PTK2B: variants seen among roughly 807,000 people sequenced by gnomAD.
PTK2B encodes the protein protein-tyrosine kinase 2-beta.
PTK2B carries 71 observed loss-of-function variants against 142.9 expected under a neutral mutation model. The observed-to-expected ratio is 0.50, with a 90% confidence interval of 0.41 to 0.61. The LOEUF is 0.61. Ranked by LOEUF, PTK2B falls within the 20% of genes least tolerant of loss-of-function variation. The pLI is 0.00. For missense variants in PTK2B, 1,105 were observed against 1,320.4 expected (o/e 0.84, Z 2.53); for synonymous variants, 519 against 503.4 (o/e 1.03, Z -0.42).
chr8:27,442,267 G>C (rs968682927), intron 21 of PTK2B, among the ~76,000 whole-genome samples: 2 of 152,152 alleles, frequency 1.3e-5, no homozygotes, highest in Non-Finnish European at 2.9e-5. Flanking sequence ...ATATTCAGTA[G>C]TATATAATAC....
chr8:27,440,118 G>T (rs910606979), intron 20 of PTK2B, 119 bp from the exon 21 acceptor site: 7 of 996,312 alleles, frequency 7.0e-6, no homozygotes, highest in Admixed American at 2.1e-5. Context: ...GGTGCTGGAG[G>T]AGGAGGAGGG....
rs118119520 is a variant in PTK2B, at chr8:27,379,380, C to A, written c.-37-18168C>A. On this transcript the variant is annotated intron_variant, in intron 1 of 30. Transcript: ENST00000346049. ...TAGCTGGGACTACAGGCACATGCCA[C>A]CATGCCGGGGTCTTTTTAAAAATTT... Among the ~76,000 whole-genome samples, 438 of 152,266 alleles carry A rather than the reference C, an allele frequency of 2.9e-3. 7 individuals carry two copies. The East Asian group carries it at 0.034, about 12-fold the overall frequency.
chr8:27,443,814 C>T (rs1045911314), intron 22 of PTK2B, among the ~76,000 whole-genome samples: 10 of 152,202 alleles, frequency 6.6e-5, no homozygotes, highest in African/African-American at 1.4e-4. Context: ...CACCCCTCCC[C>T]GCGGGCCTGG....
chr8:27,318,536 C>T (rs2130570266), intron 3 of PTK2B, among the ~76,000 whole-genome samples: 1 of 152,328 alleles, frequency 6.6e-6, no homozygotes, highest in East Asian at 1.9e-4. Context: ...CAGGCCAGCC[C>T]TGCAGCAACC....
chr8:27,329,166 G>A (rs183732943), intron 1 of PTK2B, among the ~76,000 whole-genome samples: 1 of 152,222 alleles, frequency 6.6e-6, no homozygotes, highest in African/African-American at 2.4e-5. Context: ...TCAATTTCTT[G>A]ACCTCATGAT....
At chr8:27,337,384 C>T (rs1406513627) in intron 1 of PTK2B, among the ~76,000 whole-genome samples, 1 of 152,174 alleles carries the variant, frequency 6.6e-6, no homozygotes, top group Non-Finnish European at 1.5e-5. Context: ...GATCCACCCG[C>T]GTTGGCCTCC....
intron 1 of PTK2B, among the ~76,000 whole-genome samples, chr8:27,375,729 CCCT>C (rs1806628896): frequency 6.6e-6 from 1 of 152,208 alleles, no homozygotes; most frequent in South Asian, 2.1e-4. Context: ...GTGGGCACCT[CCCT>C]CCTCCCCAGT....
chr8:27,437,681 G>A (rs896520188), intron 17 of PTK2B, 84 bp from the exon 18 acceptor site: 4 of 1,380,348 alleles, frequency 2.9e-6, no homozygotes, highest in Admixed American at 2.0e-5. Context: ...CCCAGGGAAG[G>A]GTCAGGGGTT....
In PTK2B at chr8:27,375,678, G is replaced by A. The variant is rs73568036; in HGVS notation, c.-37-21870G>A. On this transcript the variant is annotated intron_variant, in intron 1 of 30. Coordinates refer to ENST00000346049, the MANE Select transcript of PTK2B (RefSeq NM_173176.3). ...ACCAGACCCCACGTCTCCTGCCTCC[G>A]GGGGCCGTGTTCTTTCCCTGTCCCA... 3.7e-3 allele frequency among the ~76,000 whole-genome samples: 558 copies of A among 152,232 alleles called. 8 individuals carry two copies. The highest frequency in any genetic ancestry group is 0.012 in the African/African-American group (482 of 41,542).
chr8:27,450,233 G>A (rs1197910391), intron 24 of PTK2B, among the ~76,000 whole-genome samples: 1 of 152,158 alleles, frequency 6.6e-6, no homozygotes, highest in Non-Finnish European at 1.5e-5. Flanking sequence ...GCTAGAGGCA[G>A]CACCCCTGTC....
rs746852655 is a variant in PTK2B, at chr8:27,432,309, C to G, written c.935C>G (p.Pro312Arg). Residue 312 changes from proline to arginine, a missense_variant, in exon 10 of 31, where the codon CCG becomes CGG. By Grantham distance (103) the Pro-to-Arg change is moderately radical. Transcript: ENST00000346049. ...FKQIRSIRCL[P>R]LEEGQAVLQL... Reference sequence around the variant, plus strand: ...CAGATCAGGTCCATCAGGTGCCTCCCGCTGGAGGAGGGCCAGGCAGTACTT... The same window carrying G: ...CAGATCAGGTCCATCAGGTGCCTCCGGCTGGAGGAGGGCCAGGCAGTACTT... 6.2e-7 allele frequency: 1 copy of G among 1,614,066 alleles called. No individual in the cohort carries two copies. The highest frequency in any genetic ancestry group is 1.7e-5 in the Admixed American group (1 of 60,018).
chr8:27,393,848 C>G (rs1039745148), intron 1 of PTK2B, among the ~76,000 whole-genome samples: 1 of 151,998 alleles, frequency 6.6e-6, no homozygotes, highest in African/African-American at 2.4e-5. Context: ...ACATCATGAT[C>G]GCCAAAGATG....
At chr8:27,392,388 G>C (rs1807780679) in intron 1 of PTK2B, among the ~76,000 whole-genome samples, 1 of 150,230 alleles carries the variant, frequency 6.7e-6, no homozygotes, top group African/African-American at 2.4e-5. Context: ...ACAAGATTTT[G>C]GAAAAAAGGC....
At chr8:27,360,119 C>T (rs934034496) in intron 1 of PTK2B, among the ~76,000 whole-genome samples, 16 of 152,234 alleles carry the variant, frequency 1.1e-4, no homozygotes, top group African/African-American at 3.9e-4. Context: ...GCCCAGTCGA[C>T]ATTAGGTCTG....
intron 1 of PTK2B, among the ~76,000 whole-genome samples, chr8:27,368,155 G>A (rs1464049894): frequency 6.6e-6 from 1 of 152,212 alleles, no homozygotes. Context: ...GAGTGAGTGC[G>A]GGACGGACGG....
At chr8:27,314,068 A>T (rs192391746) in intron 3 of PTK2B, among the ~76,000 whole-genome samples, 12 of 152,342 alleles carry the variant, frequency 7.9e-5, no homozygotes, top group African/African-American at 2.9e-4. Context: ...CATACCTGGA[A>T]GGAAGAAATG....
chr8:27,410,238 G>A (rs1808976508), intron 2 of PTK2B, among the ~76,000 whole-genome samples: 1 of 152,230 alleles, frequency 6.6e-6, no homozygotes, highest in South Asian at 2.1e-4. Flanking sequence ...GAAGCGTGTT[G>A]ATGGGAGCTC....
At chr8:27,457,950 G>A (rs546372825) in intron 30 of PTK2B, among the ~76,000 whole-genome samples, 74 of 143,082 alleles carry the variant, frequency 5.2e-4, no homozygotes, top group African/African-American at 1.9e-3. Context: ...ACTCCATCCT[G>A]GGCAACAGGA....
chr8:27,439,687 T>A (rs1447209571), intron 20 of PTK2B, among the ~76,000 whole-genome samples: 11 of 152,112 alleles, frequency 7.2e-5, no homozygotes, highest in Admixed American at 1.3e-4. Flanking sequence ...CGAAACTCTG[T>A]GACTTATTCT....
Sources: allele counts gnomAD v4.1 joint callset (sites outside exome capture counted in the v4.1 genomes callset), GRCh38; gene constraint gnomAD v4.1.1; transcripts MANE v1.5; gene names NCBI Gene and HGNC (gene_info 2026-07-23, HGNC 2026-07-21).